The following CIC variants were observed in gnomAD, a reference collection of about 807,000 sequenced individuals.
CIC encodes protein capicua homolog.
A neutral mutation model predicts 115.7 loss-of-function variants in CIC; 18 were observed. The ratio of observed to expected loss-of-function variants is 0.16; its 90% CI spans 0.11 to 0.23. The LOEUF (loss-of-function observed/expected upper bound fraction) is 0.23, where lower values mean the gene tolerates loss of function less well. CIC is among the 10% of genes least tolerant of loss of function. The probability of loss-of-function intolerance (pLI) is 1.00; values close to 1 mark genes in which losing one functional copy is unlikely to be tolerated. For synonymous variants in CIC, 1,076 were observed against 923.0 expected, an observed-to-expected ratio of 1.17 and a Z score of -3.01; for missense variants, 2,000 against 2,159.3, an observed-to-expected ratio of 0.93 and a Z score of 1.46.
At position 42,289,351 on chromosome 19, in the gene CIC, G is replaced by T. The variant is rs200166534; in HGVS notation, c.4032G>T (p.Thr1344=). 1.9e-6 allele frequency: 3 copies of T among 1,613,176 alleles called. No individual in the cohort carries two copies. The highest frequency in any genetic ancestry group is 1.7e-6 in the Non-Finnish European group (2 of 1,179,556). ...AGCGTGCGGCCAGTGAGGACATGAC[G>T]AGTGATGAGGAGCGCATGGTCATCT... is the stretch of plus-strand genomic sequence containing the variant. ...RSQRAASEDM[T]SDEERMVICE... is the part of the protein sequence containing the mutation. The change falls in exon 9 of 21, where the codon ACG becomes ACT. Residue 1344 remains threonine (T), a synonymous_variant. Coordinates refer to ENST00000681038, the MANE Select transcript of CIC (RefSeq NM_001386298.1).
Position 42,289,365 on chromosome 19 carries a change from G to T in CIC, c.4046G>T (p.Arg1349Leu). 2.5e-6 allele frequency: 4 copies of T among 1,610,708 alleles called. No individual in the cohort carries two copies. Among genetic ancestry groups the T allele is most frequent in the Non-Finnish European group, 2.5e-6 (3 of 1,178,420 alleles). The stretch of plus-strand genomic sequence containing the variant: ...GAGGACATGACGAGTGATGAGGAGC[G>T]CATGGTCATCTGTGAGGAGGAAGGG... ...ASEDMTSDEE[R>L]MVICEEEGDD... The change falls in exon 9 of 21, where the codon CGC becomes CTC. Residue 1349 changes from arginine (R) to leucine (L), a missense_variant. By Grantham distance (102) the Arg-to-Leu change is moderately radical (BLOSUM62 -2). This residue lies in a region of CIC where 1,466 missense variants were observed against 1,390.4 expected (regional missense o/e 1.05). Coordinates refer to ENST00000681038, the MANE Select transcript of CIC (RefSeq NM_001386298.1).
chr19:42,293,356 C>T, intron 16 of CIC, 75 bp downstream of exon 16: 3 of 1,460,022 alleles, frequency 2.1e-6, no homozygotes, highest in East Asian at 4.9e-5. Flanking sequence ...GCTTTTCTGT[C>T]CTACTCTTCT....
At chr19:42,268,733 G>A (rs1460662650), upstream of CIC, 3 of 152,264 alleles carry the variant, frequency 2.0e-5, no homozygotes, top group East Asian at 1.9e-4. Flanking sequence ...AGTCTGCCTT[G>A]TACTGTCGGC....
At position 42,291,258 on chromosome 19, in the gene CIC, C is replaced by T. The variant is rs907470960; in HGVS notation, c.5217C>T (p.Pro1739=). 10 of 1,612,464 alleles carry T rather than the reference C, an allele frequency of 6.2e-6. No individual in the cohort carries two copies. The highest frequency in any genetic ancestry group is 8.5e-6 in the Non-Finnish European group (10 of 1,179,748). ...TCACCCAGGTACAGTACATCCTGCC[C>T]ACGCTGCCCCAGCAGCTTCAGGTGG... ...GGITQVQYIL[P]TLPQQLQVAP... Residue 1739 remains proline (P), a synonymous_variant, in exon 11 of 21, where the codon CCC becomes CCT. Coordinates refer to ENST00000681038, the MANE Select transcript of CIC (RefSeq NM_001386298.1).
intron 7 of CIC, among the ~76,000 whole-genome samples, 157 bp downstream of exon 7, chr19:42,288,132 T>C (rs910107928): frequency 2.1e-5 from 3 of 142,190 alleles, no homozygotes; most frequent in Non-Finnish European, 4.7e-5. Context: ...AGTTGATTCA[T>C]GTGACGGAGC....
rs370589441 is a variant in CIC, at chr19:42,287,169, G to A, written c.3108G>A (p.Thr1036=). The A allele has an allele frequency of 7.7e-5, 124 of 1,613,356 alleles. No individual in the cohort carries two copies. Among genetic ancestry groups the A allele is most frequent in the Non-Finnish European group, 9.6e-5 (113 of 1,179,880 alleles). Residue 1036 remains threonine (T), a synonymous_variant, in exon 4 of 21, where the codon ACG becomes ACA. Coordinates refer to ENST00000681038, the MANE Select transcript of CIC (RefSeq NM_001386298.1). This position sits in a 1 kb window ranked among gnomAD's most constrained non-coding sequence, Gnocchi z 8.7. ...CTGGTAAGGGTCCGCCTCCCACCAC[G>A]GAGGAGGAGGCCTCCGGCCCCCCAG... ...VESGKGPPPT[T]EEEASGPPGE... is the part of the protein sequence containing the mutation.
At chr19:42,282,284 C>G (rs1439123570) in intron 2 of CIC, among the ~76,000 whole-genome samples, 1 of 152,224 alleles carries the variant, frequency 6.6e-6, no homozygotes, top group African/African-American at 2.4e-5. Context: ...TTTGCCCCCT[C>G]TCCATTCCTT....
intron 2 of CIC, chr19:42,284,191 G>A (rs1317207408): frequency 6.8e-6 from 1 of 147,818 alleles, no homozygotes; most frequent in African/African-American, 2.4e-5. Flanking sequence ...GGCCCGGAAA[G>A]GCGGGGCGGC....
chr19:42,293,063 G>A lies in CIC; in HGVS notation c.6304G>A (p.Glu2102Lys), dbSNP rs1454067338. The A allele has an allele frequency of 6.2e-7, 1 of 1,612,284 alleles. No individual in the cohort carries two copies. The highest frequency in any genetic ancestry group is 8.5e-7 in the Non-Finnish European group (1 of 1,179,632). Residue 2102 changes from glutamate to lysine, a missense_variant, in exon 16 of 21, where the codon GAG (glutamate) becomes AAG (lysine). Physicochemically the swap from Glu to Lys is moderately conservative, Grantham distance 56 (BLOSUM62 1). Transcript: ENST00000681038. ...AIASIPVGSF[E>K]AGASGRPGPA... is the part of the protein sequence containing the mutation. ...CGCCAGCATTCCCGTGGGGTCCTTT[G>A]AGGCAGGTGCCTCTGGGCGGCCTGG...
chr19:42,295,763 G>A lies in CIC; in HGVS notation c.*572G>A. ...GCAATATTTCTTACTGTGCCGAGAAGCCGCAATGAGCGAGATTAAAGCTGT... is the reference window on the plus strand; with the variant it reads ...GCAATATTTCTTACTGTGCCGAGAAACCGCAATGAGCGAGATTAAAGCTGT... On this transcript the variant is annotated 3_prime_UTR_variant, in exon 21 of 21. Coordinates refer to ENST00000681038, the MANE Select transcript of CIC (RefSeq NM_001386298.1). The A allele has an allele frequency of 4.7e-6, 1 of 214,576 alleles. No homozygotes were observed. The highest frequency in any genetic ancestry group is 6.9e-5 in the East Asian group (1 of 14,444). The allele number at this position is 214,576 out of a possible 1,614,324, so 13.3% of individuals were successfully genotyped here. A position where few individuals can be genotyped will look rare whatever the true frequency, so the allele number is the denominator to read the frequency against.
Position 42,273,598 on chromosome 19 carries a change from G to A in CIC, c.1815G>A (p.Ser605=), listed in dbSNP as rs983050603. The part of the protein sequence containing the change: ...DECEAAVMLV[S]LGSSRSGTPS... ...GTGAGGCGGCCGTGATGCTGGTGTC[G>A]CTGGGCAGCTCGCGCTCAGGCACGC... is the stretch of plus-strand genomic sequence containing the variant. Residue 605 remains serine (S), a synonymous_variant, in exon 2 of 21, where the codon TCG becomes TCA. Transcript: ENST00000681038. 10 of 398,358 alleles carry A rather than the reference G, an allele frequency of 2.5e-5. No homozygotes were observed. Among genetic ancestry groups the A allele is most frequent in the Admixed American group, 4.4e-5 (1 of 22,708 alleles). 24.7% of individuals were successfully genotyped at this position (398,358 alleles called of 1,614,324 possible).
At position 42,272,617 on chromosome 19, in the gene CIC, G is replaced by A. The variant is rs1415992319; in HGVS notation, c.834G>A (p.Val278=). 6 of 398,558 alleles carry A rather than the reference G, an allele frequency of 1.5e-5. No individual in the cohort carries two copies. Among genetic ancestry groups the A allele is most frequent in the African/African-American group, 1.2e-4 (6 of 48,582 alleles). 24.7% of individuals were successfully genotyped at this position (398,558 alleles called of 1,614,324 possible). A position where few individuals can be genotyped will look rare whatever the true frequency, so the allele number is the denominator to read the frequency against. ...TCTGTACCTGTGTGGAGCCCGGCGT[G>A]GCTGCCTACCGGGAAGGTGTGGTGG... ...TAVCTCVEPG[V]AAYREGVVVE... Residue 278 remains valine, a synonymous_variant, in exon 2 of 21, where the codon GTG becomes GTA. Transcript: ENST00000681038.
Position 42,287,330 on chromosome 19 carries a change from A to T in CIC, c.3190A>T (p.Ile1064Phe), listed in dbSNP as rs199958449. The change falls in exon 5 of 21, where the codon ATC becomes TTC. Residue 1064 changes from isoleucine (I) to phenylalanine (F), a missense_variant. By Grantham distance (21) the Ile-to-Phe change is conservative. Around this residue, in one of 8 missense-constraint regions of CIC, gnomAD observed 222 missense variants for 247.7 expected, o/e 0.90. Coordinates refer to ENST00000681038, the MANE Select transcript of CIC (RefSeq NM_001386298.1). The surrounding 1 kb of genome is among the most constrained non-coding windows in gnomAD (Gnocchi z 8.7). ...GCTGCCCCGCCGCAGCTTCCTCTCC[A>T]TCATGTCTCCTGAGATCCAGTTGCC... is the stretch of plus-strand genomic sequence containing the variant. ...ESDHDDAFLS[I>F]MSPEIQLPLP... The T allele has an allele frequency of 6.2e-7, 1 of 1,613,944 alleles. No individual in the cohort carries two copies. Among genetic ancestry groups the T allele is most frequent in the African/African-American group, 1.3e-5 (1 of 74,872 alleles).
intron 16 of CIC, 127 bp downstream of exon 16, chr19:42,293,408 T>A: frequency 7.4e-7 from 1 of 1,343,470 alleles, no homozygotes; most frequent in Non-Finnish European, 1.0e-6. Context: ...GTCCCCTCTG[T>A]CCCTTCTGCC....
Position 42,292,185 on chromosome 19 carries a change from G to T in CIC, c.5713G>T (p.Val1905Phe). ...LPGPTSQPQK[V>F]LLPSSTRITY... ...TGGACCCACCTCTCAGCCTCAGAAG[G>T]TCCTGTTGCCCTCCTCCACCAGGTA... is the stretch of plus-strand genomic sequence containing the variant. The change falls in exon 13 of 21, where the codon GTC becomes TTC. Residue 1905 changes from valine (V) to phenylalanine (F), a missense_variant. Val to Phe is a conservative substitution (Grantham distance 50). Coordinates refer to ENST00000681038, the MANE Select transcript of CIC (RefSeq NM_001386298.1). 1 of 1,614,006 alleles carries T rather than the reference G, an allele frequency of 6.2e-7. No homozygotes were observed. Among genetic ancestry groups the T allele is most frequent in the Non-Finnish European group, 8.5e-7 (1 of 1,180,030 alleles).
Position 42,295,290 on chromosome 19 carries a change from G to C in CIC, c.*99G>C. On this transcript the variant is annotated 3_prime_UTR_variant, in exon 21 of 21. Transcript: ENST00000681038. ...ATCTCCTCCCGGGTAAAGCCATTTC[G>C]TCCTCTCCAGTTTGGGGCGGAATGA... is the stretch of plus-strand genomic sequence containing the variant. 1 of 1,102,434 alleles carries C rather than the reference G, an allele frequency of 9.1e-7. No homozygotes were observed. Among genetic ancestry groups the C allele is most frequent in the Non-Finnish European group, 1.3e-6 (1 of 767,004 alleles). 68.3% of individuals were successfully genotyped at this position (1,102,434 alleles called of 1,614,324 possible).
At chr19:42,286,715 G>T in intron 2 of CIC, 56 bp from the exon 3 acceptor site, 1 of 1,611,674 alleles carries the variant, frequency 6.2e-7, no homozygotes. Flanking sequence ...AAGAGCTTGA[G>T]TTGGGGTTGG....
chr19:42,290,052 A>G, intron 10 of CIC, 101 bp downstream of exon 10: 1 of 1,397,150 alleles, frequency 7.2e-7, no homozygotes, highest in Admixed American at 1.7e-5. Context: ...TAAGGTCCAG[A>G]GAGGGCAAGC....
chr19:42,282,222 G>A (rs1367919493), intron 2 of CIC, among the ~76,000 whole-genome samples: 1 of 152,228 alleles, frequency 6.6e-6, no homozygotes, highest in Admixed American at 6.5e-5. Flanking sequence ...AGTCTCTGGA[G>A]GTCAGAGGGC....
Sources: gnomAD v4.1 joint callset for allele counts (sites outside exome capture counted in the v4.1 genomes callset) on GRCh38, gnomAD v4.1.1 for gene constraint, gnomAD v4.1.1 regional missense constraint, Gnocchi (gnomAD v3.1) non-coding constraint, MANE v1.5 for transcripts, NCBI Gene and HGNC (gene_info 2026-07-23, HGNC 2026-07-21) for gene names.